The following RIMS1 variants were observed in gnomAD, a reference collection of about 807,000 sequenced individuals.
RIMS1 encodes regulating synaptic membrane exocytosis protein 1.
In RIMS1, 83 loss-of-function variants were observed where a neutral mutation model predicts 214.1. The ratio of observed to expected loss-of-function variants is 0.39; its 90% CI spans 0.32 to 0.47. The LOEUF (loss-of-function observed/expected upper bound fraction) is 0.47, where lower values mean the gene tolerates loss of function less well. Among genes scored for constraint, RIMS1 ranks in the 20% least tolerant of loss-of-function variants. The probability of loss-of-function intolerance (pLI) is 0.99; values close to 1 mark genes in which losing one functional copy is unlikely to be tolerated. For missense variants in RIMS1, 2,050 were observed against 2,161.8 expected (o/e 0.95, Z 1.03); for synonymous variants, 793 against 786.8 (o/e 1.01, Z -0.13).
intron 2 of RIMS1, among the ~76,000 whole-genome samples, chr6:72,069,700 T>G (rs1830140879): frequency 6.6e-6 from 1 of 152,254 alleles, no homozygotes; most frequent in East Asian, 1.9e-4. Context: ...TGAAGCTCTC[T>G]CTTTTGTTCT....
At chr6:72,034,163 A>G (rs1302039863) in intron 2 of RIMS1, among the ~76,000 whole-genome samples, 1 of 152,154 alleles carries the variant, frequency 6.6e-6, no homozygotes, top group Admixed American at 6.5e-5. Context: ...AATTACAAGT[A>G]CCCAGTAAAA....
chr6:72,268,241 C>T (rs530378950), intron 22 of RIMS1, among the ~76,000 whole-genome samples: 1 of 152,106 alleles, frequency 6.6e-6, no homozygotes, highest in South Asian at 2.1e-4. Context: ...TTGGAGAGTG[C>T]ATCTAAAGCC....
intron 6 of RIMS1, among the ~76,000 whole-genome samples, chr6:72,228,101 A>G (rs146267723): frequency 6.6e-6 from 1 of 152,104 alleles, no homozygotes; most frequent in African/African-American, 2.4e-5. Context: ...TGCCATAAAC[A>G]TATCCGTCAC....
chr6:72,375,497 C>T (rs1341993741), intron 29 of RIMS1, among the ~76,000 whole-genome samples: 1 of 152,034 alleles, frequency 6.6e-6, no homozygotes, highest in Non-Finnish European at 1.5e-5. Context: ...CACTGATGAA[C>T]TAACTTGTAC....
chr6:71,919,973 C>T (rs902565091), intron 1 of RIMS1, among the ~76,000 whole-genome samples: 43 of 152,204 alleles, frequency 2.8e-4, no homozygotes, highest in Non-Finnish European at 1.0e-4. Flanking sequence ...TCATGACCAA[C>T]AAAACAACAA....
At chr6:72,171,010 G>C (rs2153954020) in intron 4 of RIMS1, among the ~76,000 whole-genome samples, 1 of 152,110 alleles carries the variant, frequency 6.6e-6, no homozygotes, top group African/African-American at 2.4e-5. Flanking sequence ...GAAGCACAGA[G>C]AGAAGATATA....
At chr6:72,332,366 G>A (rs915304105) in intron 28 of RIMS1, among the ~76,000 whole-genome samples, 2 of 151,652 alleles carry the variant, frequency 1.3e-5, no homozygotes, top group South Asian at 2.1e-4. Context: ...GGATAATAAA[G>A]CTGCATATGC....
chr6:72,081,151 G>A (rs1833281680), intron 2 of RIMS1, among the ~76,000 whole-genome samples: 1 of 152,070 alleles, frequency 6.6e-6, no homozygotes, highest in South Asian at 2.1e-4. Flanking sequence ...TACTGAATTG[G>A]GTAAGAAAGG....
chr6:72,337,690 T>C (rs1229937291), intron 29 of RIMS1, among the ~76,000 whole-genome samples: 2 of 150,740 alleles, frequency 1.3e-5, no homozygotes, highest in Non-Finnish European at 3.0e-5. Flanking sequence ...GCTGCACCCA[T>C]TAACTCGTCA....
At chr6:72,233,614 CAA>C (rs1236102915) in intron 6 of RIMS1, among the ~76,000 whole-genome samples, 157 bp from the exon 7 acceptor site, 1 of 151,538 alleles carries the variant, frequency 6.6e-6, no homozygotes, top group African/African-American at 2.4e-5. Flanking sequence ...TCCAGTGATT[CAA>C]GTCACAACCT....
chr6:71,990,875 A>G (rs1462744475), intron 2 of RIMS1, among the ~76,000 whole-genome samples: 2 of 152,140 alleles, frequency 1.3e-5, no homozygotes, highest in African/African-American at 2.4e-5. Flanking sequence ...TGATAGTGGT[A>G]TTCTCAAATA....
chr6:72,193,400 A>G (rs2050369270), intron 6 of RIMS1, among the ~76,000 whole-genome samples: 1 of 152,214 alleles, frequency 6.6e-6, no homozygotes, highest in African/African-American at 2.4e-5. Flanking sequence ...AAATTGTGTG[A>G]CTATACCTTA....
chr6:72,101,580 T>C (rs1484489941), intron 4 of RIMS1, among the ~76,000 whole-genome samples: 2 of 151,858 alleles, frequency 1.3e-5, no homozygotes, highest in Admixed American at 6.6e-5. Context: ...TTTACATGTG[T>C]GTGGTGTTGG....
chr6:72,223,604 C>A (rs1243843665), intron 6 of RIMS1, among the ~76,000 whole-genome samples: 1 of 151,900 alleles, frequency 6.6e-6, no homozygotes, highest in Non-Finnish European at 1.5e-5. Flanking sequence ...AATATCCCAA[C>A]ACAAAAAAGT....
intron 29 of RIMS1, among the ~76,000 whole-genome samples, chr6:72,341,768 A>T (rs1202992541): frequency 4.0e-5 from 6 of 151,856 alleles, no homozygotes; most frequent in African/African-American, 1.4e-4. Flanking sequence ...AAATTGGTCA[A>T]GGATCTAAGT....
chr6:72,094,275 TG>T (rs1366590905), intron 2 of RIMS1, among the ~76,000 whole-genome samples: 47 of 152,230 alleles, frequency 3.1e-4, no homozygotes, highest in African/African-American at 1.1e-3. Flanking sequence ...AGAAGAGAGG[TG>T]TTATGTACGG....
At chr6:71,934,142 T>C (rs772545496) in intron 1 of RIMS1, among the ~76,000 whole-genome samples, 1 of 152,148 alleles carries the variant, frequency 6.6e-6, no homozygotes, top group Non-Finnish European at 1.5e-5. Flanking sequence ...CTTAGTTCAG[T>C]TAAAATTAAA....
intron 29 of RIMS1, among the ~76,000 whole-genome samples, chr6:72,341,727 T>C (rs2097099961): frequency 6.6e-6 from 1 of 151,778 alleles, no homozygotes; most frequent in African/African-American, 2.4e-5. Context: ...CTAGTTCTAT[T>C]TATGTATGTT....
At chr6:71,949,101 A>G (rs1788695573) in intron 1 of RIMS1, among the ~76,000 whole-genome samples, 1 of 152,210 alleles carries the variant, frequency 6.6e-6, no homozygotes, top group Non-Finnish European at 1.5e-5. Context: ...TAGTATGAGA[A>G]TTTGTCCATC....
Sources: allele counts gnomAD v4.1 joint callset (sites outside exome capture counted in the v4.1 genomes callset), GRCh38; gene constraint gnomAD v4.1.1; transcripts MANE v1.5; gene names NCBI Gene and HGNC (gene_info 2026-07-23, HGNC 2026-07-21).